Variants in WDFY2 observed in about 807,000 individuals in gnomAD.
WDFY2 encodes the protein WD repeat and FYVE domain containing 2, also known as WD repeat and FYVE domain-containing protein 2.
In WDFY2, 36 loss-of-function variants were observed where a neutral mutation model predicts 56.4. That is an observed-to-expected ratio of 0.64 (90% CI 0.49 to 0.84). The LOEUF is 0.84. Ranked by LOEUF, WDFY2 falls within the 40% of genes least tolerant of loss-of-function variation. WDFY2 has a pLI of 0.00. For synonymous variants in WDFY2, 176 were observed against 183.7 expected (o/e 0.96, Z 0.34); for missense variants, 444 against 512.2 (o/e 0.87, Z 1.29).
intron 1 of WDFY2, among the ~76,000 whole-genome samples, chr13:51,657,484 G>A (rs190024863): frequency 2.7e-4 from 41 of 152,166 alleles, no homozygotes; most frequent in African/African-American, 9.6e-4. Context: ...AATTTCATTA[G>A]CTTTTGTTTA....
intron 1 of WDFY2, among the ~76,000 whole-genome samples, chr13:51,598,003 G>T (rs1954184847): frequency 6.6e-6 from 1 of 152,162 alleles, no homozygotes; most frequent in Non-Finnish European, 1.5e-5. Flanking sequence ...TAATATATAT[G>T]CCCTGATATG....
At position 51,766,126 on chromosome 13, in the gene WDFY2, A is replaced by G. The variant is rs1953740993; in HGVS notation, c.*6357A>G. 1 of 152,250 alleles carries G rather than the reference A, an allele frequency of 6.6e-6. No individual in the cohort carries two copies. Among genetic ancestry groups the G allele is most frequent in the Non-Finnish European group, 1.5e-5 (1 of 68,034 alleles). 9.4% of individuals were successfully genotyped at this position (152,250 alleles called of 1,614,324 possible). A position where few individuals can be genotyped will look rare whatever the true frequency, so the allele number is the denominator to read the frequency against. On this transcript the variant is annotated 3_prime_UTR_variant, in exon 12 of 12. Coordinates refer to ENST00000298125, the MANE Select transcript of WDFY2 (RefSeq NM_052950.4). ...ATATGCCACTATGAAGTATGGCCAA[A>G]ACCCTAGCGTCACTTGTAACCATTG... is the stretch of plus-strand genomic sequence containing the variant.
chr13:51,653,099 T>A (rs1216158806), intron 1 of WDFY2, among the ~76,000 whole-genome samples: 2 of 152,186 alleles, frequency 1.3e-5, no homozygotes, highest in South Asian at 2.1e-4. Flanking sequence ...AGGCTTTGTT[T>A]GTTTCTTTTT....
chr13:51,738,684 CAG>C (rs1393835112), intron 6 of WDFY2, among the ~76,000 whole-genome samples: 1 of 152,134 alleles, frequency 6.6e-6, no homozygotes, highest in East Asian at 1.9e-4. Flanking sequence ...CTGTTATTGT[CAG>C]GGGTGGGAGG....
At chr13:51,674,029 C>T (rs1201442068) in intron 2 of WDFY2, among the ~76,000 whole-genome samples, 3 of 152,056 alleles carry the variant, frequency 2.0e-5, no homozygotes, top group African/African-American at 7.3e-5. Flanking sequence ...TAGTGGCTGT[C>T]AGTAGAACTT....
In WDFY2 at chr13:51,690,701, G is replaced by A. The variant is rs577960431; in HGVS notation, c.280-12895G>A. Reference sequence around the variant, plus strand: ...AGCAGCATGATTTATAGTCCTTTGGGTATATACTCAGTAATGGGATGGCTG... The same window carrying A: ...AGCAGCATGATTTATAGTCCTTTGGATATATACTCAGTAATGGGATGGCTG... On this transcript the variant is annotated intron_variant, in intron 3 of 11. Transcript: ENST00000298125. 9.1e-3 allele frequency among the ~76,000 whole-genome samples: 1,391 copies of A among 152,172 alleles called. 17 individuals are homozygous for A. The highest frequency in any genetic ancestry group is 0.032 in the African/African-American group (1,315 of 41,500).
intron 1 of WDFY2, among the ~76,000 whole-genome samples, chr13:51,630,453 G>A (rs530448888): frequency 1.7e-4 from 25 of 150,376 alleles, no homozygotes; most frequent in African/African-American, 5.3e-4. Flanking sequence ...AACTGGTAGA[G>A]TTCCCTTTCT....
At chr13:51,693,473 T>G (rs1951791475) in intron 3 of WDFY2, among the ~76,000 whole-genome samples, 1 of 152,104 alleles carries the variant, frequency 6.6e-6, no homozygotes, top group South Asian at 2.1e-4. Context: ...GTTGTTCAGT[T>G]TCCATGTAGT....
rs1429937734 is a variant in WDFY2 at position 51,760,068 on chromosome 13, T to G, written c.*299T>G. On this transcript the variant is annotated 3_prime_UTR_variant, in exon 12 of 12. Coordinates refer to ENST00000298125, the MANE Select transcript of WDFY2 (RefSeq NM_052950.4). ...GAAAAATCTGTGTGGGGTGTTTAATTTTTATACTTTTCAACACCCCATTTT... is the reference window on the plus strand; with the variant it reads ...GAAAAATCTGTGTGGGGTGTTTAATGTTTATACTTTTCAACACCCCATTTT... The G allele has an allele frequency of 3.5e-6, 1 of 289,662 alleles. No homozygotes were observed. The highest frequency in any genetic ancestry group is 2.2e-5 in the African/African-American group (1 of 46,270). The allele number at this position is 289,662 out of a possible 1,614,324, so 17.9% of individuals were successfully genotyped here. A position where few individuals can be genotyped will look rare whatever the true frequency, so the allele number is the denominator to read the frequency against.
intron 6 of WDFY2, among the ~76,000 whole-genome samples, chr13:51,734,325 TCTAA>T (rs1952788994): frequency 6.6e-6 from 1 of 152,230 alleles, no homozygotes; most frequent in African/African-American, 2.4e-5. Context: ...GGGATTCTCT[TCTAA>T]CTAATTGGAA....
chr13:51,712,799 T>C (rs1475783684), intron 4 of WDFY2, among the ~76,000 whole-genome samples: 1 of 151,862 alleles, frequency 6.6e-6, no homozygotes, highest in Non-Finnish European at 1.5e-5. Context: ...GAAGTGACAT[T>C]ACTACAGAGT....
chr13:51,632,260 AGGATGAGCAT>A (rs1427791694), intron 1 of WDFY2, among the ~76,000 whole-genome samples: 4 of 152,138 alleles, frequency 2.6e-5, no homozygotes, highest in African/African-American at 9.7e-5. Flanking sequence ...AAGCTCTCCT[AGGATGAGCAT>A]GGTTCTTTTG....
intron 1 of WDFY2, chr13:51,592,142 TAAAAAGAAAAAA>T (rs750793873): frequency 3.4e-5 from 5 of 148,554 alleles, no homozygotes; most frequent in African/African-American, 9.9e-5. Context: ...TAAAGTGTAA[TAAAAAGAAAAAA>T]AAAAAGAAAA....
chr13:51,701,965 C>T (rs889709355), intron 3 of WDFY2, among the ~76,000 whole-genome samples: 10 of 152,124 alleles, frequency 6.6e-5, no homozygotes, highest in Non-Finnish European at 8.8e-5. Flanking sequence ...TCCCAGGTTT[C>T]CTTACCCACA....
chr13:51,729,497 C>T (rs1952676842), intron 6 of WDFY2, among the ~76,000 whole-genome samples: 1 of 151,958 alleles, frequency 6.6e-6, no homozygotes. Context: ...CCCACTTCTC[C>T]TCTTCTCAGT....
At chr13:51,646,204 T>A (rs919170057) in intron 1 of WDFY2, among the ~76,000 whole-genome samples, 3 of 152,200 alleles carry the variant, frequency 2.0e-5, no homozygotes, top group Non-Finnish European at 4.4e-5. Context: ...CAGCTCCTCA[T>A]CCTCAGCATC....
At chr13:51,629,483 C>G (rs1954907838) in intron 1 of WDFY2, among the ~76,000 whole-genome samples, 1 of 151,974 alleles carries the variant, frequency 6.6e-6, no homozygotes, top group Non-Finnish European at 1.5e-5. Context: ...GTCTATTTAC[C>G]TATTTTTTAG....
In WDFY2 at chr13:51,734,749, C is replaced by G. The variant is rs1434184279; in HGVS notation, c.599-4300C>G. Among the ~76,000 whole-genome samples the G allele has an allele frequency of 2.0e-5, 3 of 152,116 alleles. No individual in the cohort carries two copies. In the South Asian group the frequency reaches 6.2e-4, roughly 31 times the overall value. On this transcript the variant is annotated intron_variant, in intron 6 of 11. Coordinates refer to ENST00000298125, the MANE Select transcript of WDFY2 (RefSeq NM_052950.4). Reference sequence around the variant, plus strand: ...GAAAACTTTATTTGTAAGAATTAAACCATTTTTATTTAAAAATTATTCTGT... The same window carrying G: ...GAAAACTTTATTTGTAAGAATTAAAGCATTTTTATTTAAAAATTATTCTGT...
At chr13:51,623,813 T>C (rs1954788308) in intron 1 of WDFY2, among the ~76,000 whole-genome samples, 1 of 152,098 alleles carries the variant, frequency 6.6e-6, no homozygotes, top group African/African-American at 2.4e-5. Context: ...TCATTTCTTT[T>C]CTTCCACAAC....
Sources: gnomAD v4.1 joint callset for allele counts (sites outside exome capture counted in the v4.1 genomes callset) on GRCh38, gnomAD v4.1.1 for gene constraint, MANE v1.5 for transcripts, NCBI Gene and HGNC (gene_info 2026-07-23, HGNC 2026-07-21) for gene names.